Variants in RLBP1 observed in about 807,000 individuals in gnomAD.
RLBP1 encodes retinaldehyde-binding protein 1.
In RLBP1, 26 loss-of-function variants were observed where a neutral mutation model predicts 36.2. The observed-to-expected ratio is 0.72, with a 90% CI of 0.53 to 1.00. The LOEUF (loss-of-function observed/expected upper bound fraction) is 1.00, where lower values mean the gene tolerates loss of function less well. Ranked by LOEUF, RLBP1 falls within the 50% of genes least tolerant of loss-of-function variation. The pLI, the probability that RLBP1 is intolerant of heterozygous loss-of-function variation, is 0.00. For synonymous variants in RLBP1, 155 were observed against 156.2 expected, an observed-to-expected ratio of 0.99 and a Z score of 0.06; for missense variants, 410 against 402.4, an observed-to-expected ratio of 1.02 and a Z score of -0.16.
In RLBP1 at chr15:89,211,636, G is replaced by A. The variant is rs759507369; in HGVS notation, c.684+107C>T. 15 of 1,163,274 alleles carry A rather than the reference G, an allele frequency of 1.3e-5. No homozygotes were observed. The highest frequency in any genetic ancestry group is 1.8e-5 in the Non-Finnish European group (14 of 793,372). 72.1% of individuals were successfully genotyped at this position (1,163,274 alleles called of 1,614,324 possible). On this transcript the variant is annotated intron_variant, in intron 7 of 8. Transcript: ENST00000268125. The surrounding 1 kb of genome is among the most constrained non-coding windows in gnomAD (Gnocchi z 5.8). ...TGGCTGTCACTGCTCTTTATGGCGC[G>A]AGGTGGTCCAACTTCTCAGTTCCCT... is the stretch of plus-strand genomic sequence containing the variant.
intron 6 of RLBP1, 146 bp from the exon 7 acceptor site, chr15:89,212,047 T>G: frequency 1.2e-6 from 1 of 852,480 alleles, no homozygotes; most frequent in Non-Finnish European, 1.9e-6. Context: ...TCTGTGAATG[T>G]ATACCAAGAA....
At chr15:89,221,275 C>T (rs1006985268) in intron 1 of RLBP1, among the ~76,000 whole-genome samples, 2 of 152,192 alleles carry the variant, frequency 1.3e-5, no homozygotes, top group African/African-American at 4.8e-5. Context: ...TCCCAAAGTG[C>T]TGGGATTACA....
rs905070285 is a variant in RLBP1, at chr15:89,217,149, T to C, written c.317A>G (p.Asn106Ser). 9.3e-6 allele frequency: 15 copies of C among 1,613,968 alleles called. No individual in the cohort carries two copies. The highest frequency in any genetic ancestry group is 1.2e-5 in the Non-Finnish European group (14 of 1,180,026). The change falls in exon 5 of 9, where the codon AAC becomes AGC. Residue 106 changes from asparagine (N) to serine (S), a missense_variant. By Grantham distance (46) the Asn-to-Ser change is conservative. Coordinates refer to ENST00000268125, the MANE Select transcript of RLBP1 (RefSeq NM_000326.5). ...FLRFIRARKF[N>S]VGRAYELLRG... ...GAGCAGCTCATAGGCACGGCCCACGTTGAACTTCCGTGCGCGGATGAAGCG... is the reference window on the plus strand; with the variant it reads ...GAGCAGCTCATAGGCACGGCCCACGCTGAACTTCCGTGCGCGGATGAAGCG...
Position 89,214,918 on chromosome 15 carries a change from G to T in RLBP1, c.525+142C>A. ...AGGAATTCTCTCCCTGCCTGGAAAG[G>T]GCTAGGTGGCAGGTGGCTGCCCACC... On this transcript the variant is annotated intron_variant, in intron 6 of 8. Coordinates refer to ENST00000268125, the MANE Select transcript of RLBP1 (RefSeq NM_000326.5). This position sits in a 1 kb window ranked among gnomAD's most constrained non-coding sequence, Gnocchi z 4.6. 1 of 828,630 alleles carries T rather than the reference G, an allele frequency of 1.2e-6. No individual in the cohort carries two copies. The highest frequency in any genetic ancestry group is 2.0e-6 in the Non-Finnish European group (1 of 500,030). The allele number at this position is 828,630 out of a possible 1,614,324, so 51.3% of individuals were successfully genotyped here.
intron 1 of RLBP1, among the ~76,000 whole-genome samples, chr15:89,220,178 C>A (rs952679192): frequency 2.0e-5 from 3 of 152,064 alleles, no homozygotes; most frequent in African/African-American, 7.2e-5. Flanking sequence ...ACACCTAGAG[C>A]CAAGACATCT....
rs2051600800 is a variant in RLBP1, at chr15:89,218,544, C to T, written c.141+21G>A. 6.2e-7 allele frequency: 1 copy of T among 1,614,092 alleles called. No homozygotes were observed. Among genetic ancestry groups the T allele is most frequent in the South Asian group, 1.1e-5 (1 of 91,082 alleles). ...TGTTGCCTCCCTAGGCTGCTCCTCT[C>T]CGCACTGTCAGCCACCTCACCTTCT... On this transcript the variant is annotated intron_variant, in intron 4 of 8. Coordinates refer to ENST00000268125, the MANE Select transcript of RLBP1 (RefSeq NM_000326.5). The surrounding 1 kb of genome is among the most constrained non-coding windows in gnomAD (Gnocchi z 4.6).
At chr15:89,215,369 C>A in intron 5 of RLBP1, 131 bp from the exon 6 acceptor site, 1 of 783,724 alleles carries the variant, frequency 1.3e-6, no homozygotes, top group East Asian at 2.6e-5. Flanking sequence ...TCAACCTATC[C>A]GAGCCCCATG....
chr15:89,217,411 A>G lies in RLBP1; in HGVS notation c.142-87T>C, dbSNP rs1378646146. Reference sequence around the variant, plus strand: ...AGGTGATGAGTCTCCTGCCAGAGCTAGACCAGCCAAGGGGGCCCAGGGGTC... The same window carrying G: ...AGGTGATGAGTCTCCTGCCAGAGCTGGACCAGCCAAGGGGGCCCAGGGGTC... On this transcript the variant is annotated intron_variant, in intron 4 of 8. Coordinates refer to ENST00000268125, the MANE Select transcript of RLBP1 (RefSeq NM_000326.5). 3 of 1,388,148 alleles carry G rather than the reference A, an allele frequency of 2.2e-6. No individual in the cohort carries two copies. In the African/African-American group the frequency reaches 4.2e-5, roughly 20 times the overall value. 86.0% of individuals were successfully genotyped at this position (1,388,148 alleles called of 1,614,324 possible). A position where few individuals can be genotyped will look rare whatever the true frequency, so the allele number is the denominator to read the frequency against.
chr15:89,215,641 GA>G (rs2051574185), intron 5 of RLBP1, among the ~76,000 whole-genome samples: 1 of 152,196 alleles, frequency 6.6e-6, no homozygotes. Context: ...GGGCTGAGGA[GA>G]AGCTCCCAAG....
Position 89,218,452 on chromosome 15 carries a change from A to G in RLBP1, c.141+113T>C. On this transcript the variant is annotated intron_variant, in intron 4 of 8. Transcript: ENST00000268125. The surrounding 1 kb of genome is among the most constrained non-coding windows in gnomAD (Gnocchi z 4.6). ...TAGAACCGGCCAGTCTATCAGGTCCAGGATGATCTGGAGTGCCGAGGCTGG... is the reference window on the plus strand; with the variant it reads ...TAGAACCGGCCAGTCTATCAGGTCCGGGATGATCTGGAGTGCCGAGGCTGG... 4 of 1,497,456 alleles carry G rather than the reference A, an allele frequency of 2.7e-6. No homozygotes were observed. Among genetic ancestry groups the G allele is most frequent in the Non-Finnish European group, 3.7e-6 (4 of 1,083,928 alleles). 92.8% of individuals were successfully genotyped at this position (1,497,456 alleles called of 1,614,324 possible). A position where few individuals can be genotyped will look rare whatever the true frequency, so the allele number is the denominator to read the frequency against.
In RLBP1 at chr15:89,217,280, T is replaced by G. The variant is rs1338043107; in HGVS notation, c.186A>C (p.Ala62=). ...LNEREETREE[A]VRELQEMVQA... ...GCACCATCTCCTGCAGCTCTCGCACTGCCTCCTCCCGGGTCTCCTCTCTCT... is the reference window on the plus strand; with the variant it reads ...GCACCATCTCCTGCAGCTCTCGCACGGCCTCCTCCCGGGTCTCCTCTCTCT... The change falls in exon 5 of 9, where the codon GCA becomes GCC. Residue 62 remains alanine, a synonymous_variant. Transcript: ENST00000268125. 6.2e-7 allele frequency: 1 copy of G among 1,609,418 alleles called. No homozygotes were observed. Among genetic ancestry groups the G allele is most frequent in the African/African-American group, 1.3e-5 (1 of 74,956 alleles).
chr15:89,210,901 A>C lies in RLBP1; in HGVS notation c.685-92T>G. On this transcript the variant is annotated intron_variant, in intron 7 of 8. Transcript: ENST00000268125. This position sits in a 1 kb window ranked among gnomAD's most constrained non-coding sequence, Gnocchi z 4.7. ...CTGCTGCCTCTCCTCATGGCATAGA[A>C]CAGACTTGTCCAGCATCACAGGGCT... 1 of 868,492 alleles carries C rather than the reference A, an allele frequency of 1.2e-6. No homozygotes were observed. The highest frequency in any genetic ancestry group is 2.1e-5 in the Admixed American group (1 of 48,136). 53.8% of individuals were successfully genotyped at this position (868,492 alleles called of 1,614,324 possible).
At chr15:89,216,173 C>G (rs962584717) in intron 5 of RLBP1, among the ~76,000 whole-genome samples, 1 of 152,144 alleles carries the variant, frequency 6.6e-6, no homozygotes, top group African/African-American at 2.4e-5. Flanking sequence ...TAAAACAGTT[C>G]TTGGCACAGC....
At chr15:89,217,877 G>C (rs989368540) in intron 4 of RLBP1, among the ~76,000 whole-genome samples, 3 of 152,166 alleles carry the variant, frequency 2.0e-5, no homozygotes, top group Non-Finnish European at 4.4e-5. Flanking sequence ...CCTCCCCTCT[G>C]CTGGGTCAGG....
rs985567269 is a variant in RLBP1 at position 89,214,852 on chromosome 15, C to A, written c.525+208G>T. Among the ~76,000 whole-genome samples, 2 of 152,250 alleles carry A rather than the reference C, an allele frequency of 1.3e-5. No individual in the cohort carries two copies. Among genetic ancestry groups the A allele is most frequent in the East Asian group, 3.9e-4 (2 of 5,192 alleles). ...TGTATTATTGACCATCAAGCTCCAC[C>A]TGCAAAGCTACTGGGTTTTCCAGCT... On this transcript the variant is annotated intron_variant, in intron 6 of 8. Coordinates refer to ENST00000268125, the MANE Select transcript of RLBP1 (RefSeq NM_000326.5). The surrounding 1 kb of genome is among the most constrained non-coding windows in gnomAD (Gnocchi z 4.6).
At chr15:89,220,290 G>C (rs1430872853) in intron 1 of RLBP1, among the ~76,000 whole-genome samples, 1 of 152,160 alleles carries the variant, frequency 6.6e-6, no homozygotes, top group Non-Finnish European at 1.5e-5. Context: ...TGTGACCCTA[G>C]CAAGTTATTT....
Position 89,219,141 on chromosome 15 carries a change from A to G in RLBP1, c.-100-66T>C, listed in dbSNP as rs545572342. The G allele has an allele frequency of 3.8e-6, 3 of 794,604 alleles. No homozygotes were observed. In the East Asian group the frequency reaches 7.5e-5, roughly 20 times the overall value. The allele number at this position is 794,604 out of a possible 1,614,324, so 49.2% of individuals were successfully genotyped here. A position where few individuals can be genotyped will look rare whatever the true frequency, so the allele number is the denominator to read the frequency against. On this transcript the variant is annotated intron_variant, in intron 2 of 8. Transcript: ENST00000268125. ...CTGTGGATCTCAAACTTTCAATTGC[A>G]TCAGAATCACCCGAGGCATTTGTTA...
At chr15:89,212,647 C>T (rs1300099035) in intron 6 of RLBP1, among the ~76,000 whole-genome samples, 3 of 149,002 alleles carry the variant, frequency 2.0e-5, no homozygotes, top group Non-Finnish European at 4.4e-5. Context: ...TGTGTATGTG[C>T]GTGCATACAT....
Position 89,214,522 on chromosome 15 carries a change from C to CT in RLBP1, c.525+537dup, listed in dbSNP as rs2051563011. On this transcript the variant is annotated intron_variant, in intron 6 of 8. Coordinates refer to ENST00000268125, the MANE Select transcript of RLBP1 (RefSeq NM_000326.5). The surrounding 1 kb of genome is among the most constrained non-coding windows in gnomAD (Gnocchi z 4.6). ...AGTTTTTTTTTTAAATTAAAGGAAT[C>CT]TTTTTCAGGCTCAGTGGCGCATGCC... 6.6e-6 allele frequency among the ~76,000 whole-genome samples: 1 copy of CT among 151,952 alleles called. No homozygotes were observed. Among genetic ancestry groups the CT allele is most frequent in the Non-Finnish European group, 1.5e-5 (1 of 67,980 alleles).
Sources: gnomAD v4.1 joint callset for allele counts (sites outside exome capture counted in the v4.1 genomes callset) on GRCh38, gnomAD v4.1.1 for gene constraint, Gnocchi (gnomAD v3.1) non-coding constraint, MANE v1.5 for transcripts, NCBI Gene and HGNC (gene_info 2026-07-23, HGNC 2026-07-21) for gene names.